PPME1: variants seen among roughly 807,000 people sequenced by gnomAD.
PPME1 encodes the protein protein phosphatase methylesterase 1.
Under a neutral mutation model 56.9 loss-of-function variants are expected in PPME1, and 17 were observed. That is an observed-to-expected ratio of 0.30 (90% CI 0.20 to 0.45). The LOEUF (loss-of-function observed/expected upper bound fraction) is 0.45, where lower values mean the gene tolerates loss of function less well. Ranked by LOEUF, PPME1 falls within the 20% of genes least tolerant of loss-of-function variation. PPME1 has a pLI of 1.00. For synonymous variants in PPME1, 122 were observed against 156.2 expected, an observed-to-expected ratio of 0.78 and a Z score of 1.63; for missense variants, 357 against 483.2, an observed-to-expected ratio of 0.74 and a Z score of 2.45.
chr11:74,239,640 G>A (rs989631018), intron 9 of PPME1, among the ~76,000 whole-genome samples: 9 of 148,060 alleles, frequency 6.1e-5, no homozygotes, highest in Non-Finnish European at 8.9e-5. Flanking sequence ...ACAATGGCGC[G>A]ATCTCGGCTC....
At chr11:74,209,768 T>G (rs1175701373) in intron 3 of PPME1, among the ~76,000 whole-genome samples, 2 of 152,180 alleles carry the variant, frequency 1.3e-5, no homozygotes, top group Admixed American at 6.5e-5. Context: ...AGAAGTTCAT[T>G]TACATTTTCT....
chr11:74,196,631 A>ATT (rs1857988976), intron 1 of PPME1, among the ~76,000 whole-genome samples: 1 of 128,870 alleles, frequency 7.8e-6, no homozygotes, highest in African/African-American at 3.1e-5. Flanking sequence ...TGCAAAGTAA[A>ATT]AGCAAGTTTA....
intron 1 of PPME1, among the ~76,000 whole-genome samples, chr11:74,200,357 TTGTG>T (rs71919163): frequency 0.48 from 70,552 of 145,616 alleles, 16,992 homozygotes; most frequent in Middle Eastern, 0.57. Flanking sequence ...GTCATGTGTT[TTGTG>T]TGTGTGTGTG....
At chr11:74,238,897 G>T (rs1450829683) in intron 8 of PPME1, 6 of 364,558 alleles carry the variant, frequency 1.6e-5, no homozygotes, top group Admixed American at 4.0e-5. Flanking sequence ...GGAAGTGGTT[G>T]CTCCCTTTCT....
At chr11:74,248,877 A>G (rs1417037037) in intron 11 of PPME1, 1 of 152,194 alleles carries the variant, frequency 6.6e-6, no homozygotes, top group Non-Finnish European at 1.5e-5. Flanking sequence ...GTTGATCACC[A>G]GCCTTGGAAT....
At chr11:74,181,366 CCATCTTTAAAACT>C (rs1565374596) in intron 1 of PPME1, among the ~76,000 whole-genome samples, 1 of 152,226 alleles carries the variant, frequency 6.6e-6, no homozygotes, top group East Asian at 1.9e-4. Flanking sequence ...CAACTCCTAT[CCATCTTTAAAACT>C]CATGAAGCAC....
intron 1 of PPME1, among the ~76,000 whole-genome samples, chr11:74,185,913 C>G (rs1475164356): frequency 6.6e-6 from 1 of 152,132 alleles, no homozygotes; most frequent in African/African-American, 2.4e-5. Flanking sequence ...GCTTAAGTAT[C>G]TTATCTGAAG....
chr11:74,239,120 TA>T lies in PPME1; in HGVS notation c.711-6del, dbSNP rs778529534. 1.8e-5 allele frequency: 29 copies of T among 1,607,426 alleles called. No homozygotes were observed. Among genetic ancestry groups the T allele is most frequent in the Non-Finnish European group, 2.5e-5 (29 of 1,177,822 alleles). ...AAAGAGGTGTGTAATAGCACTTTTT[TA>T]AAAAAACCTAGGTGTGAAGGAATTA... On this transcript the variant is annotated splice_polypyrimidine_tract_variant and intron_variant, in intron 8 of 13. Coordinates refer to ENST00000328257, the MANE Select transcript of PPME1 (RefSeq NM_016147.3).
chr11:74,205,817 A>G (rs1409841115), intron 3 of PPME1: 1 of 152,170 alleles, frequency 6.6e-6, no homozygotes, highest in Non-Finnish European at 1.5e-5. Context: ...AGGCTCTGTC[A>G]TGTCTCTGGA....
At chr11:74,181,211 A>ATTTT (rs549579138) in intron 1 of PPME1, among the ~76,000 whole-genome samples, 1 of 146,760 alleles carries the variant, frequency 6.8e-6, no homozygotes, top group African/African-American at 2.5e-5. Context: ...CGCCCGGCTA[A>ATTTT]TTTTTTTTTT....
chr11:74,222,433 T>C, intron 4 of PPME1, 64 bp downstream of exon 4: 7 of 1,352,712 alleles, frequency 5.2e-6, no homozygotes, highest in Non-Finnish European at 6.3e-6. Context: ...TGAATAGTTG[T>C]AACTATTAGA....
intron 9 of PPME1, among the ~76,000 whole-genome samples, chr11:74,245,365 ATATT>A (rs1419503718): frequency 6.6e-6 from 1 of 152,198 alleles, no homozygotes; most frequent in East Asian, 1.9e-4. Flanking sequence ...TTGATTCAGT[ATATT>A]TATTTCAATT....
intron 2 of PPME1, 41 bp downstream of exon 2, chr11:74,203,862 ATGT>A: frequency 7.1e-7 from 1 of 1,412,416 alleles, no homozygotes; most frequent in Non-Finnish European, 9.8e-7. Context: ...TGAGCTTATG[ATGT>A]TGTCTAAGTT....
At chr11:74,210,993 A>G (rs1858458997) in intron 3 of PPME1, among the ~76,000 whole-genome samples, 1 of 152,244 alleles carries the variant, frequency 6.6e-6, no homozygotes. Context: ...CTGACAAACT[A>G]CTAGTTAAGC....
At chr11:74,191,488 C>A (rs1207797800) in intron 1 of PPME1, among the ~76,000 whole-genome samples, 4 of 152,170 alleles carry the variant, frequency 2.6e-5, no homozygotes, top group Non-Finnish European at 5.9e-5. Context: ...TAAAAGGGAA[C>A]CAATTGTTAA....
At chr11:74,180,553 G>A (rs1290661134) in intron 1 of PPME1, among the ~76,000 whole-genome samples, 1 of 152,142 alleles carries the variant, frequency 6.6e-6, no homozygotes, top group East Asian at 1.9e-4. Flanking sequence ...TAGGTAAAAT[G>A]TATTGTGTTT....
intron 7 of PPME1, among the ~76,000 whole-genome samples, chr11:74,233,423 A>G (rs1196597024): frequency 6.6e-6 from 1 of 152,060 alleles, no homozygotes; most frequent in Admixed American, 6.6e-5. Context: ...TGGCTATTCT[A>G]GATTTTTTTT....
intron 1 of PPME1, among the ~76,000 whole-genome samples, chr11:74,180,625 T>C (rs1857507261): frequency 6.6e-6 from 1 of 152,156 alleles, no homozygotes; most frequent in South Asian, 2.1e-4. Flanking sequence ...ATAGGTCTTG[T>C]AATAGGCTTG....
At chr11:74,226,165 G>A (rs977595528) in intron 5 of PPME1, among the ~76,000 whole-genome samples, 2 of 152,150 alleles carry the variant, frequency 1.3e-5, no homozygotes, top group South Asian at 2.1e-4. Flanking sequence ...CTTTTTATCT[G>A]CCAACTTTCA....
Sources: allele counts gnomAD v4.1 joint callset (sites outside exome capture counted in the v4.1 genomes callset), GRCh38; gene constraint gnomAD v4.1.1; transcripts MANE v1.5; gene names NCBI Gene and HGNC (gene_info 2026-07-23, HGNC 2026-07-21).